Variants in PTPRG observed in about 807,000 individuals in gnomAD.
The protein encoded by PTPRG is receptor-type tyrosine-protein phosphatase gamma.
A neutral mutation model predicts 165.3 loss-of-function variants in PTPRG; 102 were observed. The observed-to-expected ratio is 0.62, with a 90% CI of 0.53 to 0.73. PTPRG has a LOEUF of 0.73. Among genes scored for constraint, PTPRG ranks in the 30% least tolerant of loss-of-function variants. PTPRG has a pLI of 0.00. For missense variants in PTPRG, 1,866 were observed against 1,861.4 expected (o/e 1.00, Z -0.05); for synonymous variants, 675 against 669.5 (o/e 1.01, Z -0.13).
chr3:61,710,613 C>T (rs1443251847), intron 1 of PTPRG, among the ~76,000 whole-genome samples: 2 of 151,482 alleles, frequency 1.3e-5, no homozygotes, highest in Non-Finnish European at 2.9e-5. Context: ...AGTTTTTTTG[C>T]ATTTTTTTTT....
intron 7 of PTPRG, among the ~76,000 whole-genome samples, chr3:62,161,449 G>T (rs1704757307): frequency 6.6e-6 from 1 of 152,152 alleles, no homozygotes; most frequent in African/African-American, 2.4e-5. Flanking sequence ...ATTTCTAATG[G>T]AATAGCCACG....
At chr3:62,191,082 C>T (rs1244772042) in intron 8 of PTPRG, among the ~76,000 whole-genome samples, 1 of 152,036 alleles carries the variant, frequency 6.6e-6, no homozygotes, top group Non-Finnish European at 1.5e-5. Flanking sequence ...CATCTGTGTC[C>T]CGTGCATGTG....
intron 2 of PTPRG, among the ~76,000 whole-genome samples, chr3:61,929,976 C>T (rs916326261): frequency 1.3e-5 from 2 of 151,462 alleles, no homozygotes; most frequent in African/African-American, 2.4e-5. Flanking sequence ...ATTAGTAATG[C>T]TCTTTCTTGC....
intron 2 of PTPRG, among the ~76,000 whole-genome samples, chr3:61,774,662 T>C (rs1289295498): frequency 6.6e-6 from 1 of 152,230 alleles, no homozygotes; most frequent in Non-Finnish European, 1.5e-5. Context: ...TATTGTTTTA[T>C]AATTAGCATC....
chr3:62,102,416 G>A (rs1465536994), intron 5 of PTPRG, among the ~76,000 whole-genome samples: 1 of 152,092 alleles, frequency 6.6e-6, no homozygotes, highest in African/African-American at 2.4e-5. Flanking sequence ...CGTGGGACAG[G>A]TGCACGCCTC....
intron 2 of PTPRG, among the ~76,000 whole-genome samples, chr3:61,849,801 G>T (rs1449125696): frequency 6.6e-6 from 1 of 152,186 alleles, no homozygotes; most frequent in Non-Finnish European, 1.5e-5. Flanking sequence ...CTTAACTACA[G>T]ACTTTGCTGG....
chr3:62,179,906 A>C (rs776579317), intron 8 of PTPRG, among the ~76,000 whole-genome samples: 5 of 152,138 alleles, frequency 3.3e-5, no homozygotes, highest in Non-Finnish European at 7.4e-5. Context: ...TCATCCTACC[A>C]CTCCACCCAC....
At chr3:61,767,239 T>TGGAAAAAA (rs1371380259) in intron 2 of PTPRG, among the ~76,000 whole-genome samples, 1 of 73,098 alleles carries the variant, frequency 1.4e-5, no homozygotes, top group African/African-American at 4.9e-5. Flanking sequence ...AGATTCCATC[T>TGGAAAAAA]CAAAAAAAAA....
chr3:61,857,868 T>A (rs181359724), intron 2 of PTPRG, among the ~76,000 whole-genome samples: 17 of 152,156 alleles, frequency 1.1e-4, no homozygotes, highest in Admixed American at 9.2e-4. Flanking sequence ...ATTATGGACA[T>A]TGGGGATAGC....
At chr3:61,749,198 C>G in intron 2 of PTPRG, 2 of 658,156 alleles carry the variant, frequency 3.0e-6, no homozygotes, top group South Asian at 1.5e-5. Context: ...GTTTTCCCCT[C>G]AATTTGCGTT....
intron 4 of PTPRG, among the ~76,000 whole-genome samples, chr3:62,024,872 A>G (rs578222588): frequency 1.3e-5 from 2 of 152,266 alleles, no homozygotes; most frequent in South Asian, 2.1e-4. Context: ...TCGACATGCG[A>G]TTTTCCAATT....
rs189314091 is a variant in PTPRG at position 61,823,765 on chromosome 3, C to T, written c.190+74783C>T. Among the ~76,000 whole-genome samples, 68 of 152,198 alleles carry T rather than the reference C, an allele frequency of 4.5e-4. 1 individual carries two copies. Among genetic ancestry groups the T allele is most frequent in the East Asian group, 1.4e-3 (7 of 5,180 alleles). On this transcript the variant is annotated intron_variant, in intron 2 of 29. Coordinates refer to ENST00000474889, the MANE Select transcript of PTPRG (RefSeq NM_002841.4). ...AGTAGAAATCAATAATGTAGGACAA[C>T]GGAGAAATGCCTTCATTCTTGGATA...
intron 5 of PTPRG, among the ~76,000 whole-genome samples, chr3:62,116,902 A>C (rs1011094851): frequency 3.9e-5 from 6 of 152,232 alleles, no homozygotes; most frequent in Non-Finnish European, 7.3e-5. Context: ...CCCAGCTTAC[A>C]AGTGGATCAG....
intron 14 of PTPRG, among the ~76,000 whole-genome samples, chr3:62,242,956 C>T (rs892646302): frequency 9.9e-5 from 15 of 152,014 alleles, no homozygotes; most frequent in Admixed American, 3.3e-4. Flanking sequence ...AAAGCCCCTC[C>T]GCCAAATGAA....
chr3:62,091,437 A>C, intron 5 of PTPRG, among the ~76,000 whole-genome samples: 1 of 152,238 alleles, frequency 6.6e-6, no homozygotes, highest in Admixed American at 6.5e-5. Flanking sequence ...GGAGCAGCCA[A>C]GTCGGCTGAG....
intron 4 of PTPRG, among the ~76,000 whole-genome samples, chr3:62,023,917 G>C (rs1226696444): frequency 6.6e-6 from 1 of 152,048 alleles, no homozygotes; most frequent in Non-Finnish European, 1.5e-5. Flanking sequence ...CCACATTATT[G>C]CTGGGGAATA....
intron 5 of PTPRG, among the ~76,000 whole-genome samples, chr3:62,127,952 C>T (rs1005873323): frequency 3.3e-5 from 5 of 152,014 alleles, no homozygotes; most frequent in Non-Finnish European, 7.4e-5. Context: ...TTATGGTGGG[C>T]TATTAATTGA....
chr3:61,676,471 A>AAAG lies in PTPRG; in HGVS notation c.86-72405_86-72404insGAA, dbSNP rs1553648155. 7.0e-4 allele frequency among the ~76,000 whole-genome samples: 69 copies of AAAG among 99,102 alleles called. 18 individuals are homozygous for AAAG. The highest frequency in any genetic ancestry group is 1.3e-3 in the South Asian group (4 of 3,124). The allele number at this position is 99,102 out of a possible 152,430, so 65.0% of individuals were successfully genotyped here. ...GACTCCATCTCAAAAAAAAAAAAAA[A>AAAG]AAAGAAAATTACTAAAGTCTGTGAA... is the stretch of plus-strand genomic sequence containing the variant. On this transcript the variant is annotated intron_variant, in intron 1 of 29. Coordinates refer to ENST00000474889, the MANE Select transcript of PTPRG (RefSeq NM_002841.4).
chr3:61,876,684 G>A (rs898974647), intron 2 of PTPRG, among the ~76,000 whole-genome samples: 3 of 152,102 alleles, frequency 2.0e-5, no homozygotes, highest in Admixed American at 1.3e-4. Flanking sequence ...CGAGGCGGGC[G>A]GATCCCCTGA....
Sources: allele counts gnomAD v4.1 joint callset (sites outside exome capture counted in the v4.1 genomes callset), GRCh38; gene constraint gnomAD v4.1.1; transcripts MANE v1.5; gene names NCBI Gene and HGNC (gene_info 2026-07-23, HGNC 2026-07-21).